Variants in IL1RAPL2 observed in about 807,000 individuals in gnomAD.
IL1RAPL2 encodes interleukin 1 receptor accessory protein like 2, also known as X-linked interleukin-1 receptor accessory protein-like 2.
Under a neutral mutation model 44.1 loss-of-function variants are expected in IL1RAPL2, and 3 were observed. The observed-to-expected ratio is 0.07, with a 90% CI of 0.03 to 0.18. IL1RAPL2 has a LOEUF of 0.18. Among genes scored for constraint, IL1RAPL2 ranks in the 10% least tolerant of loss-of-function variants. The pLI, the probability that IL1RAPL2 is intolerant of heterozygous loss-of-function variation, is 1.00. For synonymous variants in IL1RAPL2, 181 were observed against 178.8 expected (o/e 1.01, Z -0.10); for missense variants, 391 against 496.4 (o/e 0.79, Z 2.02).
At chrX:105,035,935 A>G (rs1017660499) in intron 2 of IL1RAPL2, among the ~76,000 whole-genome samples, 28 of 112,141 alleles carry the variant, frequency 2.5e-4, no homozygotes, top group African/African-American at 8.7e-4. Context: ...CATCCACTGA[A>G]CAAATATTCC....
intron 3 of IL1RAPL2, among the ~76,000 whole-genome samples, chrX:105,227,466 T>A (rs1255115724): frequency 8.9e-6 from 1 of 112,183 alleles, no homozygotes; most frequent in Non-Finnish European, 1.9e-5. Context: ...AGAAGTAAGA[T>A]GATTTACTTA....
At chrX:105,140,985 C>T (rs1412594563) in intron 2 of IL1RAPL2, among the ~76,000 whole-genome samples, 4 of 111,219 alleles carry the variant, frequency 3.6e-5, no homozygotes, top group Admixed American at 1.9e-4. Context: ...GAAGCCCTTG[C>T]CCTGATATTC....
intron 2 of IL1RAPL2, among the ~76,000 whole-genome samples, chrX:104,713,113 A>G (rs1235387824): frequency 9.0e-6 from 1 of 110,615 alleles, no homozygotes; most frequent in East Asian, 2.8e-4. Flanking sequence ...AGAGCAAATT[A>G]TGTACTGCAT....
At chrX:104,879,809 CAT>C (rs1225775179) in intron 2 of IL1RAPL2, among the ~76,000 whole-genome samples, 2 of 111,409 alleles carry the variant, frequency 1.8e-5, no homozygotes, top group African/African-American at 6.5e-5. Flanking sequence ...GGTTCACAGT[CAT>C]ATGATTTGTT....
In IL1RAPL2 at chrX:105,458,039, T is replaced by C. The variant is rs767799581; in HGVS notation, c.698-26274T>C. ...CTAATGGGTATGAAGTAGTATCTCA[T>C]TGTGGGTTTGATTTGCATTTCCCTA... On this transcript the variant is annotated intron_variant, in intron 5 of 10. Coordinates refer to ENST00000372582, the MANE Select transcript of IL1RAPL2 (RefSeq NM_017416.2). 2.7e-5 allele frequency among the ~76,000 whole-genome samples: 3 copies of C among 111,612 alleles called. No homozygotes were observed. In the South Asian group the frequency reaches 1.1e-3, roughly 42 times the overall value.
chrX:105,764,713 G>A (rs2038715659), intron 10 of IL1RAPL2, among the ~76,000 whole-genome samples: 2 of 111,252 alleles, frequency 1.8e-5, no homozygotes, highest in African/African-American at 3.3e-5. Flanking sequence ...GGCTGAGGCA[G>A]GAGGATTGCT....
intron 2 of IL1RAPL2, among the ~76,000 whole-genome samples, chrX:105,147,705 T>C (rs992150195): frequency 1.8e-5 from 2 of 112,193 alleles, no homozygotes; most frequent in African/African-American, 6.5e-5. Flanking sequence ...TGTATGTATA[T>C]GCATATTTAT....
At chrX:104,619,171 G>A (rs1162609536) in intron 1 of IL1RAPL2, among the ~76,000 whole-genome samples, 1 of 112,260 alleles carries the variant, frequency 8.9e-6, no homozygotes, top group Non-Finnish European at 1.9e-5. Context: ...AGGCACTCTA[G>A]AGGTCTGGTC....
At chrX:105,658,667 T>C in intron 6 of IL1RAPL2, among the ~76,000 whole-genome samples, 1 of 107,846 alleles carries the variant, frequency 9.3e-6, no homozygotes. Flanking sequence ...CTACTAAAAA[T>C]ACAAAAAAAT....
intron 1 of IL1RAPL2, among the ~76,000 whole-genome samples, chrX:104,636,403 T>C (rs960994567): frequency 3.7e-4 from 42 of 112,389 alleles, no homozygotes; most frequent in African/African-American, 1.1e-3. Flanking sequence ...TGCAGAGGTT[T>C]CTGCTGCATT....
intron 6 of IL1RAPL2, among the ~76,000 whole-genome samples, chrX:105,659,586 G>A (rs1840292394): frequency 9.2e-6 from 1 of 108,713 alleles, no homozygotes; most frequent in Non-Finnish European, 1.9e-5. Flanking sequence ...GAACCCGGGA[G>A]GCAGAGCTTG....
chrX:105,693,740 CAG>C (rs2038054993), intron 6 of IL1RAPL2, among the ~76,000 whole-genome samples: 1 of 111,539 alleles, frequency 9.0e-6, no homozygotes, highest in South Asian at 3.8e-4. Flanking sequence ...GCAGAAGGAT[CAG>C]AGTCATAAAA....
At chrX:105,288,576 A>G (rs2034588582) in intron 5 of IL1RAPL2, among the ~76,000 whole-genome samples, 2 of 111,741 alleles carry the variant, frequency 1.8e-5, no homozygotes, top group South Asian at 7.5e-4. Flanking sequence ...TAACTTCTAA[A>G]TATATTTTAC....
intron 1 of IL1RAPL2, among the ~76,000 whole-genome samples, chrX:104,616,528 C>T (rs1048889653): frequency 8.9e-6 from 1 of 112,045 alleles, no homozygotes; most frequent in Non-Finnish European, 1.9e-5. Flanking sequence ...GAAAGTCATG[C>T]GGCTGGAGGC....
At chrX:104,944,073 G>A (rs1243477096) in intron 2 of IL1RAPL2, among the ~76,000 whole-genome samples, 1 of 111,453 alleles carries the variant, frequency 9.0e-6, no homozygotes, top group Admixed American at 9.5e-5. Context: ...GATGTGTGGT[G>A]TGTGTTTTCT....
At chrX:104,743,713 C>T (rs1487205423) in intron 2 of IL1RAPL2, among the ~76,000 whole-genome samples, 1 of 111,015 alleles carries the variant, frequency 9.0e-6, no homozygotes, top group Non-Finnish European at 1.9e-5. Context: ...AAATCTTGTG[C>T]AAACACAGTA....
chrX:105,257,129 A>G (rs745821913), intron 4 of IL1RAPL2, among the ~76,000 whole-genome samples: 6 of 111,669 alleles, frequency 5.4e-5, no homozygotes, highest in African/African-American at 1.3e-4. Flanking sequence ...AGATTCTGGT[A>G]TATTGTATCT....
chrX:105,449,391 T>A (rs1454834938), intron 5 of IL1RAPL2, among the ~76,000 whole-genome samples: 1 of 110,755 alleles, frequency 9.0e-6, no homozygotes, highest in Admixed American at 9.6e-5. Context: ...GAGACCATCC[T>A]GGCTAACACG....
At chrX:105,332,130 G>A (rs2034991506) in intron 5 of IL1RAPL2, among the ~76,000 whole-genome samples, 1 of 110,191 alleles carries the variant, frequency 9.1e-6, no homozygotes, top group Non-Finnish European at 1.9e-5. Flanking sequence ...AGGTATCGCA[G>A]ACATATAAAA....
Sources: gnomAD v4.1 joint callset for allele counts (sites outside exome capture counted in the v4.1 genomes callset) on GRCh38, gnomAD v4.1.1 for gene constraint, MANE v1.5 for transcripts, NCBI Gene and HGNC (gene_info 2026-07-23, HGNC 2026-07-21) for gene names.